The following FTO variants were observed in gnomAD, a reference collection of about 807,000 sequenced individuals.
The protein encoded by FTO is FTO alpha-ketoglutarate dependent dioxygenase.
A neutral mutation model predicts 63.9 loss-of-function variants in FTO; 47 were observed. That is an observed-to-expected ratio of 0.74 (90% CI 0.58 to 0.94). The LOEUF (loss-of-function observed/expected upper bound fraction) is 0.94. Among genes scored for constraint, FTO ranks in the 40% least tolerant of loss-of-function variants. The probability of loss-of-function intolerance (pLI) is 0.00; values close to 1 mark genes in which losing one functional copy is unlikely to be tolerated. For synonymous variants in FTO, 207 were observed against 224.4 expected (o/e 0.92, Z 0.69); for missense variants, 562 against 618.1 (o/e 0.91, Z 0.96).
intron 6 of FTO, among the ~76,000 whole-genome samples, chr16:53,880,888 T>A (rs1598896061): frequency 8.1e-6 from 1 of 123,626 alleles, no homozygotes; most frequent in Non-Finnish European, 1.6e-5. Flanking sequence ...CGGATCACGA[T>A]CAAAAGATCG....
chr16:53,713,030 C>A (rs2151469417), intron 1 of FTO, among the ~76,000 whole-genome samples: 1 of 151,486 alleles, frequency 6.6e-6, no homozygotes, highest in East Asian at 1.9e-4. Context: ...ATATTCCATA[C>A]TTGTCAAACA....
Position 53,925,876 on chromosome 16 carries a change from G to A in FTO, c.1240-8109G>A, listed in dbSNP as rs538960077. On this transcript the variant is annotated intron_variant, in intron 7 of 8. Coordinates refer to ENST00000471389, the MANE Select transcript of FTO (RefSeq NM_001080432.3). ...GAATTGGGAGACTTTTTCCAAGAAAGACAGGAAACTTAAGCATAAAATTCA... is the reference window on the plus strand; with the variant it reads ...GAATTGGGAGACTTTTTCCAAGAAAAACAGGAAACTTAAGCATAAAATTCA... Among the ~76,000 whole-genome samples the A allele has an allele frequency of 1.3e-4, 20 of 152,266 alleles. No individual in the cohort carries two copies. The South Asian group carries it at 1.9e-3, about 14-fold the overall frequency.
At chr16:54,092,705 T>C (rs2665272) in intron 8 of FTO, among the ~76,000 whole-genome samples, 85,515 of 152,100 alleles carry the variant, frequency 0.56, 25,661 homozygotes, top group African/African-American at 0.79. Flanking sequence ...GCAACCGTAA[T>C]TCCCAGACGC....
chr16:53,927,353 A>G (rs2082168596), intron 7 of FTO, among the ~76,000 whole-genome samples: 2 of 152,200 alleles, frequency 1.3e-5, no homozygotes, highest in South Asian at 4.1e-4. Context: ...ATAGTAGTGC[A>G]GTCACCACTC....
intron 8 of FTO, among the ~76,000 whole-genome samples, chr16:54,022,214 C>G (rs2084619161): frequency 6.6e-6 from 1 of 152,156 alleles, no homozygotes; most frequent in African/African-American, 2.4e-5. Context: ...AAGTCATGTT[C>G]TCTTAAGGAC....
chr16:54,002,389 G>A (rs1319638569), intron 8 of FTO, among the ~76,000 whole-genome samples: 1 of 152,190 alleles, frequency 6.6e-6, no homozygotes, highest in Non-Finnish European at 1.5e-5. Context: ...TTGGATTTTA[G>A]AGAGCCTCCT....
intron 8 of FTO, among the ~76,000 whole-genome samples, chr16:54,037,562 T>A (rs1442193423): frequency 6.6e-6 from 1 of 152,238 alleles, no homozygotes; most frequent in Non-Finnish European, 1.5e-5. Flanking sequence ...TAGTGTATCT[T>A]TTATTCAGTT....
chr16:54,080,261 C>T (rs2086110523), intron 8 of FTO, among the ~76,000 whole-genome samples: 1 of 152,154 alleles, frequency 6.6e-6, no homozygotes, highest in Non-Finnish European at 1.5e-5. Context: ...CTGAATATTA[C>T]AGACAGTAAC....
intron 1 of FTO, among the ~76,000 whole-genome samples, chr16:53,711,638 G>T (rs2075780377): frequency 6.6e-6 from 1 of 152,168 alleles, no homozygotes; most frequent in African/African-American, 2.4e-5. Context: ...TGTTTCATTA[G>T]TCATGGAATA....
intron 7 of FTO, among the ~76,000 whole-genome samples, chr16:53,929,687 T>C (rs1358564621): frequency 1.3e-5 from 2 of 152,228 alleles, no homozygotes; most frequent in Non-Finnish European, 2.9e-5. Context: ...ACTTAAATGC[T>C]ATTTTAGATG....
rs149037883 is a variant in FTO, at chr16:53,824,072, G to A, written c.124-1792G>A. Among the ~76,000 whole-genome samples the A allele has an allele frequency of 5.9e-5, 9 of 152,282 alleles. No individual in the cohort carries two copies. In the East Asian group the frequency reaches 1.7e-3, roughly 29 times the overall value. ...GTAATAGCACATTCCACGCTCACAT[G>A]TGCCTCTTTCCAATCTGTGCCTGAT... On this transcript the variant is annotated intron_variant, in intron 2 of 8. Transcript: ENST00000471389.
Position 54,014,941 on chromosome 16 carries a change from C to T in FTO, c.1364+80832C>T, listed in dbSNP as rs144349005. ...TGCAATCACAGCTCGCTTCAGCCTC[C>T]AACTCCTAGCCCCAAGCAATCCTCC... On this transcript the variant is annotated intron_variant, in intron 8 of 8. Transcript: ENST00000471389. 3.8e-3 allele frequency among the ~76,000 whole-genome samples: 578 copies of T among 150,368 alleles called. 5 individuals carry two copies. Among genetic ancestry groups the T allele is most frequent in the African/African-American group, 0.013 (549 of 40,864 alleles).
chr16:53,803,314 T>G (rs1440216726), intron 1 of FTO, among the ~76,000 whole-genome samples: 1 of 152,234 alleles, frequency 6.6e-6, no homozygotes, highest in Non-Finnish European at 1.5e-5. Flanking sequence ...TGAGTGTTCT[T>G]CCTGATGTTT....
intron 4 of FTO, among the ~76,000 whole-genome samples, chr16:53,852,135 G>C (rs61188935): frequency 0.22 from 31,564 of 145,198 alleles, 3,828 homozygotes; most frequent in East Asian, 0.33. Context: ...GGTAAGCCAG[G>C]TATGGTGGCA....
chr16:53,769,016 A>C (rs1208464882), intron 1 of FTO, among the ~76,000 whole-genome samples: 1 of 152,182 alleles, frequency 6.6e-6, no homozygotes, highest in Non-Finnish European at 1.5e-5. Context: ...CATTTTCATG[A>C]AAGCGAGTAT....
intron 1 of FTO, among the ~76,000 whole-genome samples, chr16:53,744,997 C>G (rs1251401485): frequency 6.6e-6 from 1 of 152,142 alleles, no homozygotes; most frequent in Non-Finnish European, 1.5e-5. Context: ...ATTTGGCTTT[C>G]TACTCTTTAC....
At chr16:53,814,584 G>T (rs1449051289) in intron 2 of FTO, 2 of 152,140 alleles carry the variant, frequency 1.3e-5, no homozygotes, top group Non-Finnish European at 2.9e-5. Flanking sequence ...GTTGGCTTTT[G>T]GGTCTCCACT....
At chr16:53,927,826 CA>C (rs1457804388) in intron 7 of FTO, among the ~76,000 whole-genome samples, 12 of 152,274 alleles carry the variant, frequency 7.9e-5, no homozygotes, top group African/African-American at 2.6e-4. Context: ...TAGGGATATG[CA>C]AAAAGATATG....
intron 8 of FTO, among the ~76,000 whole-genome samples, chr16:53,983,143 T>A (rs1278437652): frequency 1.3e-5 from 2 of 152,158 alleles, no homozygotes; most frequent in African/African-American, 4.8e-5. Context: ...GTGGTCCTCA[T>A]TATAAAAAAT....
Sources: gnomAD v4.1 joint callset for allele counts (sites outside exome capture counted in the v4.1 genomes callset) on GRCh38, gnomAD v4.1.1 for gene constraint, MANE v1.5 for transcripts, NCBI Gene and HGNC (gene_info 2026-07-23, HGNC 2026-07-21) for gene names.